Variants in KCNH5 observed in about 807,000 individuals in gnomAD.
The protein encoded by KCNH5 is voltage-gated delayed rectifier potassium channel KCNH5.
KCNH5 carries 46 observed loss-of-function variants against 96.1 expected under a neutral mutation model. That is an observed-to-expected ratio of 0.48 (90% CI 0.38 to 0.61). KCNH5 has a LOEUF of 0.61. Ranked by LOEUF, KCNH5 falls within the 20% of genes least tolerant of loss-of-function variation. KCNH5 has a pLI of 0.00. For synonymous variants in KCNH5, 439 were observed against 449.8 expected (o/e 0.98, Z 0.30); for missense variants, 907 against 1,225.8 (o/e 0.74, Z 3.88).
At chr14:62,974,109 A>G (rs916109224) in intron 6 of KCNH5, among the ~76,000 whole-genome samples, 2 of 152,254 alleles carry the variant, frequency 1.3e-5, no homozygotes, top group Admixed American at 6.5e-5. Flanking sequence ...CTGAAAATTA[A>G]AAGTATTTAT....
At chr14:62,979,578 A>G (rs1473667487) in intron 6 of KCNH5, among the ~76,000 whole-genome samples, 1 of 152,092 alleles carries the variant, frequency 6.6e-6, no homozygotes, top group Admixed American at 6.6e-5. Context: ...AGAGTAAAGA[A>G]TTTTCCATCT....
intron 8 of KCNH5, among the ~76,000 whole-genome samples, chr14:62,831,454 A>G (rs896127736): frequency 6.6e-6 from 1 of 152,134 alleles, no homozygotes; most frequent in Non-Finnish European, 1.5e-5. Context: ...TGGGTTTTTT[A>G]GTTGTATTTC....
chr14:62,848,787 G>A (rs773743086), intron 8 of KCNH5, among the ~76,000 whole-genome samples: 1 of 152,082 alleles, frequency 6.6e-6, no homozygotes, highest in Non-Finnish European at 1.5e-5. Context: ...AAAAAATTGT[G>A]GGAAATGGCC....
chr14:62,886,071 G>A (rs1888589429), intron 7 of KCNH5, among the ~76,000 whole-genome samples: 3 of 151,506 alleles, frequency 2.0e-5, no homozygotes, highest in African/African-American at 4.8e-5. Context: ...CATTAGTCAT[G>A]TTTGTTCATG....
At chr14:62,876,510 A>T (rs1325500299) in intron 7 of KCNH5, among the ~76,000 whole-genome samples, 1 of 152,236 alleles carries the variant, frequency 6.6e-6, no homozygotes, top group African/African-American at 2.4e-5. Flanking sequence ...ATATAGAAAG[A>T]CACAAAAAGA....
intron 4 of KCNH5, 66 bp downstream of exon 4, chr14:63,001,265 A>G: frequency 2.1e-6 from 3 of 1,447,356 alleles, no homozygotes; most frequent in East Asian, 4.8e-5. Flanking sequence ...CAGCAGAGGT[A>G]AAACAGTAAG....
chr14:62,970,044 TAAAA>T (rs373852520), intron 6 of KCNH5, among the ~76,000 whole-genome samples: 15 of 30,406 alleles, frequency 4.9e-4, no homozygotes, highest in South Asian at 1.0e-3. Flanking sequence ...AGACTCCGTC[TAAAA>T]AAAAAAAAAA....
intron 7 of KCNH5, among the ~76,000 whole-genome samples, chr14:62,863,818 G>A (rs1442791119): frequency 3.3e-5 from 5 of 152,122 alleles, no homozygotes; most frequent in Non-Finnish European, 7.4e-5. Flanking sequence ...TCTAGGCACA[G>A]ATCTGAAAAG....
In KCNH5 at chr14:62,900,936, TA is replaced by T. The variant is rs201287950; in HGVS notation, c.1369+49196del. Among the ~76,000 whole-genome samples, 25 of 152,170 alleles carry T rather than the reference TA, an allele frequency of 1.6e-4. No individual in the cohort carries two copies. In the East Asian group the frequency reaches 4.6e-3, roughly 28 times the overall value. On this transcript the variant is annotated intron_variant, in intron 7 of 10. Transcript: ENST00000322893. ...ACCCAATAAAAATGAACAAAAGACT[TA>T]AAAAGTTGCTTTACAGGATAGTATA...
intron 8 of KCNH5, among the ~76,000 whole-genome samples, chr14:62,829,598 T>C (rs561017616): frequency 1.2e-4 from 19 of 152,268 alleles, no homozygotes; most frequent in African/African-American, 3.6e-4. Context: ...AGTTGGAGTA[T>C]CTGGGATGCA....
intron 8 of KCNH5, among the ~76,000 whole-genome samples, chr14:62,840,884 A>G (rs1887571965): frequency 6.6e-6 from 1 of 151,496 alleles, no homozygotes; most frequent in South Asian, 2.1e-4. Context: ...TTCTTACATA[A>G]CAATTTTTCC....
At position 62,950,498 on chromosome 14, in the gene KCNH5, G is replaced by A; in HGVS notation, c.1004C>T (p.Ala335Val). The A allele has an allele frequency of 6.2e-7, 1 of 1,609,558 alleles. No homozygotes were observed. The change falls in exon 7 of 11, where the codon GCT becomes GTT. Residue 335 changes from alanine (A) to valine (V), a missense_variant. Ala to Val is a moderately conservative substitution (Grantham distance 64). Transcript: ENST00000322893. ...VVRLLRLGRV[A>V]RKLDHYLEYG... ...TTCTAGGTAATGGTCCAGTTTCCTA[G>A]CCACACGGCCCAGTCGTAAGAGACG...
At chr14:62,909,369 T>A (rs1340433476) in intron 7 of KCNH5, among the ~76,000 whole-genome samples, 1 of 152,128 alleles carries the variant, frequency 6.6e-6, no homozygotes, top group Non-Finnish European at 1.5e-5. Context: ...TAAAGGCTAA[T>A]AGAACCAGAC....
chr14:62,888,853 A>T (rs1350619989), intron 7 of KCNH5, among the ~76,000 whole-genome samples: 3 of 152,158 alleles, frequency 2.0e-5, no homozygotes, highest in Non-Finnish European at 2.9e-5. Context: ...CCCCAACCCA[A>T]TTAGAGAATT....
intron 7 of KCNH5, among the ~76,000 whole-genome samples, chr14:62,920,906 C>A (rs1397164806): frequency 6.6e-6 from 1 of 152,098 alleles, no homozygotes; most frequent in Non-Finnish European, 1.5e-5. Flanking sequence ...TCTTATTACA[C>A]AAAGAAATTA....
intron 7 of KCNH5, among the ~76,000 whole-genome samples, chr14:62,909,239 G>T (rs1447874477): frequency 1.3e-5 from 2 of 150,596 alleles, no homozygotes; most frequent in African/African-American, 2.4e-5. Context: ...TAGAGACGGG[G>T]TTTCACCGTT....
At chr14:62,962,752 A>T (rs1890236428) in intron 6 of KCNH5, among the ~76,000 whole-genome samples, 1 of 152,212 alleles carries the variant, frequency 6.6e-6, no homozygotes, top group African/African-American at 2.4e-5. Context: ...CAGATGAAAC[A>T]AAGCACTAAA....
At chr14:62,780,143 GAATA>G (rs1262655839) in intron 9 of KCNH5, among the ~76,000 whole-genome samples, 2 of 152,132 alleles carry the variant, frequency 1.3e-5, no homozygotes, top group Non-Finnish European at 2.9e-5. Context: ...GGAGTGGCAT[GAATA>G]AATGGATCCA....
At chr14:63,044,433 A>C (rs927126890) in intron 1 of KCNH5, among the ~76,000 whole-genome samples, 10 of 152,342 alleles carry the variant, frequency 6.6e-5, no homozygotes, top group African/African-American at 2.4e-4. Flanking sequence ...TTAAAAGCAC[A>C]ATAGTTACTG....
Sources: allele counts gnomAD v4.1 joint callset (sites outside exome capture counted in the v4.1 genomes callset), GRCh38; gene constraint gnomAD v4.1.1; transcripts MANE v1.5; gene names NCBI Gene and HGNC (gene_info 2026-07-23, HGNC 2026-07-21).